The following ZBTB16 variants were observed in gnomAD, a reference collection of about 807,000 sequenced individuals.
ZBTB16 encodes zinc finger and BTB domain-containing protein 16.
A neutral mutation model predicts 56.8 loss-of-function variants in ZBTB16; 8 were observed. The observed-to-expected ratio is 0.14, with a 90% CI of 0.08 to 0.25. The LOEUF (loss-of-function observed/expected upper bound fraction) is 0.25. ZBTB16 is among the 10% of genes least tolerant of loss of function. The pLI is 1.00. For synonymous variants in ZBTB16, 363 were observed against 368.5 expected (o/e 0.98, Z 0.17); for missense variants, 625 against 903.0 (o/e 0.69, Z 3.95).
intron 2 of ZBTB16, among the ~76,000 whole-genome samples, chr11:114,142,353 T>A (rs1174660053): frequency 1.3e-5 from 2 of 152,174 alleles, no homozygotes; most frequent in East Asian, 1.9e-4. Flanking sequence ...AAAGTACCCT[T>A]TAGTTAATTG....
intron 3 of ZBTB16, among the ~76,000 whole-genome samples, chr11:114,165,829 C>T (rs1477390689): frequency 6.6e-6 from 1 of 152,138 alleles, no homozygotes; most frequent in African/African-American, 2.4e-5. Context: ...GTCATCTGCC[C>T]AGCTCTGGGG....
intron 2 of ZBTB16, among the ~76,000 whole-genome samples, chr11:114,090,762 G>A (rs1279878041): frequency 1.3e-5 from 2 of 152,210 alleles, no homozygotes; most frequent in African/African-American, 4.8e-5. Flanking sequence ...CTGGGAGTGT[G>A]TACCCATGGG....
At chr11:114,169,629 C>T (rs894043261) in intron 3 of ZBTB16, among the ~76,000 whole-genome samples, 3 of 152,282 alleles carry the variant, frequency 2.0e-5, no homozygotes, top group African/African-American at 7.2e-5. Context: ...AGCCAGTGTC[C>T]TTGTCTGCAA....
intron 3 of ZBTB16, among the ~76,000 whole-genome samples, chr11:114,173,809 G>A (rs779518460): frequency 6.6e-6 from 1 of 152,154 alleles, no homozygotes; most frequent in Non-Finnish European, 1.5e-5. Flanking sequence ...TGTCTATATC[G>A]GCCTTTGTCG....
At chr11:114,175,079 C>T (rs1216300753) in intron 3 of ZBTB16, among the ~76,000 whole-genome samples, 1 of 152,220 alleles carries the variant, frequency 6.6e-6, no homozygotes, top group Non-Finnish European at 1.5e-5. Context: ...GATGATACAT[C>T]CTTCCTATCC....
chr11:114,221,141 C>T (rs1030326854), intron 4 of ZBTB16, among the ~76,000 whole-genome samples: 1 of 152,212 alleles, frequency 6.6e-6, no homozygotes, highest in Admixed American at 6.5e-5. Flanking sequence ...CTTCAGAACC[C>T]ATTCAGCTTC....
chr11:114,173,179 C>T lies in ZBTB16; in HGVS notation c.1367-13773C>T, dbSNP rs187809355. 7.9e-5 allele frequency among the ~76,000 whole-genome samples: 12 copies of T among 152,354 alleles called. No individual in the cohort carries two copies. In the East Asian group the frequency reaches 2.3e-3, roughly 29 times the overall value. ...TTACTACTTCCTAACATCAGAAGCA[C>T]CCGGGCTAGAGAGCCCGCTTCTTGT... On this transcript the variant is annotated intron_variant, in intron 3 of 6. Coordinates refer to ENST00000335953, the MANE Select transcript of ZBTB16 (RefSeq NM_006006.6).
At chr11:114,164,653 G>A (rs141451645) in intron 3 of ZBTB16, among the ~76,000 whole-genome samples, 251 of 152,284 alleles carry the variant, frequency 1.6e-3, no homozygotes, top group Non-Finnish European at 2.4e-3. Context: ...TGCCGGAAGC[G>A]TTCTTAGGAG....
At chr11:114,241,116 C>T (rs1313895324) in intron 4 of ZBTB16, among the ~76,000 whole-genome samples, 2 of 152,134 alleles carry the variant, frequency 1.3e-5, no homozygotes, top group Non-Finnish European at 2.9e-5. Context: ...ACTTTGCATG[C>T]TCTTCCTTGG....
At chr11:114,180,194 A>T (rs1943215345) in intron 3 of ZBTB16, among the ~76,000 whole-genome samples, 1 of 152,128 alleles carries the variant, frequency 6.6e-6, no homozygotes, top group Admixed American at 6.5e-5. Context: ...AAAAGGGGAG[A>T]AGAGTAGGAG....
intron 3 of ZBTB16, among the ~76,000 whole-genome samples, chr11:114,169,243 T>C (rs1190949630): frequency 6.6e-6 from 1 of 152,204 alleles, no homozygotes; most frequent in Non-Finnish European, 1.5e-5. Context: ...CTGTGACCAC[T>C]TGGGCTATTA....
intron 2 of ZBTB16, among the ~76,000 whole-genome samples, chr11:114,147,301 AT>A (rs1347563087): frequency 7.2e-5 from 11 of 152,346 alleles, no homozygotes; most frequent in African/African-American, 2.4e-4. Context: ...GTGGAAACAT[AT>A]AAAAATGATC....
chr11:114,060,763 C>A lies in ZBTB16; in HGVS notation c.-91+881C>A, dbSNP rs996400173. On this transcript the variant is annotated intron_variant, in intron 1 of 6. Transcript: ENST00000335953. The surrounding 1 kb of genome is among the most constrained non-coding windows in gnomAD (Gnocchi z 6.0). ...CTCCGCACCGACTCGCTCGCCGCCT[C>A]CCCGAGACGCTCGCACCGTGCTTGG... Among the ~76,000 whole-genome samples, 3 of 152,156 alleles carry A rather than the reference C, an allele frequency of 2.0e-5. No individual in the cohort carries two copies. The highest frequency in any genetic ancestry group is 2.1e-4 in the South Asian group (1 of 4,834).
At chr11:114,138,323 A>C (rs994321925) in intron 2 of ZBTB16, among the ~76,000 whole-genome samples, 1 of 152,070 alleles carries the variant, frequency 6.6e-6, no homozygotes, top group Non-Finnish European at 1.5e-5. Context: ...AGGTTTTTGG[A>C]GGTGGTTGTG....
chr11:114,108,628 T>C (rs1940886927), intron 2 of ZBTB16, among the ~76,000 whole-genome samples: 1 of 152,112 alleles, frequency 6.6e-6, no homozygotes, highest in African/African-American at 2.4e-5. Context: ...CTGATGAGGC[T>C]AGATGGGGGT....
intron 4 of ZBTB16, among the ~76,000 whole-genome samples, chr11:114,233,943 A>G (rs1944509245): frequency 2.0e-5 from 3 of 152,180 alleles, no homozygotes; most frequent in African/African-American, 7.2e-5. Flanking sequence ...TCCCCAAGAG[A>G]CTGAAAGTTG....
intron 2 of ZBTB16, among the ~76,000 whole-genome samples, chr11:114,077,325 G>A (rs1017169340): frequency 6.6e-6 from 1 of 152,082 alleles, no homozygotes; most frequent in Non-Finnish European, 1.5e-5. Flanking sequence ...ATGTGAGTTT[G>A]CCCTTAAATA....
Position 114,063,221 on chromosome 11 carries a change from T to C in ZBTB16, c.-80T>C, listed in dbSNP as rs1285711776. ...TCTTCTTTCTCCTAGCCTCCTCTAT[T>C]GGCCCAGGAAGCCCACCCAGCCCCG... On this transcript the variant is annotated 5_prime_UTR_variant, in exon 2 of 7. Transcript: ENST00000335953. The surrounding 1 kb of genome is among the most constrained non-coding windows in gnomAD (Gnocchi z 6.5). 1 of 1,513,756 alleles carries C rather than the reference T, an allele frequency of 6.6e-7. No homozygotes were observed. Among genetic ancestry groups the C allele is most frequent in the African/African-American group, 1.4e-5 (1 of 72,772 alleles). The allele number at this position is 1,513,756 out of a possible 1,614,324, so 93.8% of individuals were successfully genotyped here.
chr11:114,094,234 G>C (rs2137734539), intron 2 of ZBTB16, among the ~76,000 whole-genome samples: 2 of 96,048 alleles, frequency 2.1e-5, no homozygotes, highest in Non-Finnish European at 6.5e-5. Flanking sequence ...AGGATGGCGT[G>C]AACCCGGGAG....
Sources: allele counts gnomAD v4.1 joint callset (sites outside exome capture counted in the v4.1 genomes callset), GRCh38; gene constraint gnomAD v4.1.1; non-coding constraint Gnocchi (gnomAD v3.1); transcripts MANE v1.5; gene names NCBI Gene and HGNC (gene_info 2026-07-23, HGNC 2026-07-21).